The following AFG2A variants were observed in gnomAD, a reference collection of about 807,000 sequenced individuals.
AFG2A encodes AAA ATPase AFG2A, also known as ATPase family gene 2 protein homolog A.
the AFG2A span, among the ~76,000 whole-genome samples, chr4:123,292,724 G>A: frequency 2.0e-5 from 3 of 152,094 alleles, no homozygotes; most frequent in Non-Finnish European, 4.4e-5. Flanking sequence ...TCACTGTCTC[G>A]TGGGGCTGGA....
At chr4:123,083,933 T>A in the AFG2A span, among the ~76,000 whole-genome samples, 91 of 152,254 alleles carry the variant, frequency 6.0e-4, no homozygotes, top group Middle Eastern at 0.014. Context: ...CAGGAAACGA[T>A]CTGGGTTTTG....
the AFG2A span, among the ~76,000 whole-genome samples, chr4:123,310,319 AT>A: frequency 6.6e-5 from 10 of 152,294 alleles, no homozygotes; most frequent in African/African-American, 2.4e-4. Flanking sequence ...ATCATTGTGA[AT>A]TTTAGTTATA....
the AFG2A span, among the ~76,000 whole-genome samples, chr4:123,233,855 G>A: frequency 6.6e-6 from 1 of 151,910 alleles, no homozygotes; most frequent in Non-Finnish European, 1.5e-5. Context: ...TCATAAGCCA[G>A]CCCAGGCACA....
chr4:123,217,732 G>A, the AFG2A span, among the ~76,000 whole-genome samples: 1 of 152,120 alleles, frequency 6.6e-6, no homozygotes, highest in Admixed American at 6.6e-5. Flanking sequence ...ACTCTGAGGG[G>A]TTTAAAAATG....
At chr4:122,994,089 T>G in the AFG2A span, among the ~76,000 whole-genome samples, 1 of 152,082 alleles carries the variant, frequency 6.6e-6, no homozygotes, top group Non-Finnish European at 1.5e-5. Flanking sequence ...GAAAATGAAT[T>G]TCTCATCTTT....
At chr4:123,312,016 A>G in the AFG2A span, among the ~76,000 whole-genome samples, 3 of 152,066 alleles carry the variant, frequency 2.0e-5, no homozygotes, top group Non-Finnish European at 2.9e-5. Context: ...TTTTTTCTCA[A>G]CCCTGCTCTT....
At chr4:123,069,053 G>A in the AFG2A span, among the ~76,000 whole-genome samples, 1 of 152,124 alleles carries the variant, frequency 6.6e-6, no homozygotes, top group Non-Finnish European at 1.5e-5. Context: ...ATTTAAAAGT[G>A]GGTTCGACTC....
At chr4:122,971,730 T>A in the AFG2A span, among the ~76,000 whole-genome samples, 3 of 152,024 alleles carry the variant, frequency 2.0e-5, no homozygotes, top group South Asian at 6.2e-4. Context: ...TCCTAGCTTT[T>A]AAAAAAATAT....
chr4:123,156,759 T>TAAAA, the AFG2A span, among the ~76,000 whole-genome samples: 1 of 134,828 alleles, frequency 7.4e-6, no homozygotes, highest in Non-Finnish European at 1.6e-5. Context: ...TTAAGAAGAT[T>TAAAA]AAAAAAAAAA....
chr4:123,036,600 CATT>C, the AFG2A span, among the ~76,000 whole-genome samples: 1,808 of 152,146 alleles, frequency 0.012, 39 homozygotes, highest in African/African-American at 0.04. Context: ...CAAAAGTAGT[CATT>C]AATAGCAGAA....
chr4:123,035,167 A>G, the AFG2A span, among the ~76,000 whole-genome samples: 12 of 152,310 alleles, frequency 7.9e-5, no homozygotes, highest in Non-Finnish European at 1.3e-4. Flanking sequence ...AACACTATAA[A>G]GAACTCTTTC....
At chr4:123,070,098 G>T in the AFG2A span, among the ~76,000 whole-genome samples, 585 of 152,252 alleles carry the variant, frequency 3.8e-3, 14 homozygotes, top group East Asian at 0.053. Flanking sequence ...GCTGTTTGAA[G>T]CTTCTGAAAA....
chr4:122,956,319 C>T, the AFG2A span, among the ~76,000 whole-genome samples: 8,134 of 152,204 alleles, frequency 0.053, 523 homozygotes, highest in African/African-American at 0.16. Flanking sequence ...TTGAATCCTC[C>T]TACCAACCCT....
chr4:122,980,406 G>T, the AFG2A span, among the ~76,000 whole-genome samples: 1 of 152,122 alleles, frequency 6.6e-6, no homozygotes, highest in African/African-American at 2.4e-5. Context: ...CTGTTCATCT[G>T]TTGAGGGACA....
At chr4:122,991,592 G>T in the AFG2A span, among the ~76,000 whole-genome samples, 1 of 152,152 alleles carries the variant, frequency 6.6e-6, no homozygotes, top group Non-Finnish European at 1.5e-5. Flanking sequence ...AAAGCTAAAG[G>T]ATGCATATAC....
chr4:123,062,330 C>T, the AFG2A span, among the ~76,000 whole-genome samples: 1 of 152,336 alleles, frequency 6.6e-6, no homozygotes, highest in African/African-American at 2.4e-5. Context: ...GCCTTCTACA[C>T]TATATACCAT....
the AFG2A span, among the ~76,000 whole-genome samples, chr4:123,004,959 A>T: frequency 6.6e-6 from 1 of 152,116 alleles, no homozygotes; most frequent in African/African-American, 2.4e-5. Context: ...TATTTTTTCA[A>T]GAATTCTGTT....
the AFG2A span, among the ~76,000 whole-genome samples, chr4:122,993,160 G>GC: frequency 6.6e-6 from 1 of 150,598 alleles, no homozygotes; most frequent in Non-Finnish European, 1.5e-5. Flanking sequence ...TGATTTTTGT[G>GC]CTTTTTTTTT....
chr4:123,213,194 C>A, the AFG2A span, among the ~76,000 whole-genome samples: 3 of 152,024 alleles, frequency 2.0e-5, no homozygotes, highest in Non-Finnish European at 4.4e-5. Context: ...AGTTTTGATA[C>A]CATTTCTTAT....
Sources: allele counts gnomAD v4.1 joint callset (sites outside exome capture counted in the v4.1 genomes callset), GRCh38; gene constraint gnomAD v4.1.1; transcripts MANE v1.5; gene names NCBI Gene and HGNC (gene_info 2026-07-23, HGNC 2026-07-21).